PGBD2: variants seen among roughly 807,000 people sequenced by gnomAD.
PGBD2 encodes piggyBac transposable element derived 2.
PGBD2 carries 6 observed loss-of-function variants against 8.1 expected under a neutral mutation model. The observed-to-expected ratio is 0.74, with a 90% CI of 0.40 to 1.46. The LOEUF is 1.46. Ranked by LOEUF, PGBD2 falls within the 40% of genes most tolerant of loss-of-function variation. PGBD2 has a pLI of 0.02. For missense variants in PGBD2, 802 were observed against 739.0 expected (o/e 1.09, Z -0.99); for synonymous variants, 318 against 272.2 (o/e 1.17, Z -1.66).
chr1:248,915,878 G>A (rs935913611), intron 2 of PGBD2, among the ~76,000 whole-genome samples: 6 of 152,292 alleles, frequency 3.9e-5, no homozygotes, highest in Middle Eastern at 6.8e-3. Flanking sequence ...GGAAGGTATA[G>A]TAAGACAAAT....
Position 248,918,376 on chromosome 1 carries a change from T to C in PGBD2, c.*13T>C. The stretch of plus-strand genomic sequence containing the variant: ...CCACATCCGGTGACATCATGAGACA[T>C]GCTTCTTTGGTTTATAATGAGATGT... On this transcript the variant is annotated 3_prime_UTR_variant, in exon 3 of 3. Transcript: ENST00000329291. The C allele has an allele frequency of 1.3e-6, 2 of 1,525,844 alleles. No homozygotes were observed. Among genetic ancestry groups the C allele is most frequent in the Non-Finnish European group, 1.8e-6 (2 of 1,138,084 alleles). 94.5% of individuals were successfully genotyped at this position (1,525,844 alleles called of 1,614,324 possible).
At chr1:248,920,447 TCATC>T (rs1662261110), downstream of PGBD2, among the ~76,000 whole-genome samples, 1 of 152,230 alleles carries the variant, frequency 6.6e-6, no homozygotes. Context: ...GTTTCCAGCT[TCATC>T]CATGTCCCTG....
the PGBD2 span, among the ~76,000 whole-genome samples, chr1:248,889,103 T>C: frequency 2.6e-5 from 4 of 152,116 alleles, no homozygotes; most frequent in African/African-American, 4.8e-5. Flanking sequence ...ATGAAATACA[T>C]GGGCCGGTAA....
chr1:248,914,252 C>A (rs73136430), intron 2 of PGBD2, among the ~76,000 whole-genome samples: 1,666 of 152,290 alleles, frequency 0.011, 11 homozygotes, highest in African/African-American at 0.023. Flanking sequence ...TGGGGGTGAG[C>A]TGGAGCTTGG....
chr1:248,918,076 G>C lies in PGBD2; in HGVS notation c.1492G>C (p.Ala498Pro). The C allele has an allele frequency of 6.2e-7, 1 of 1,614,224 alleles. No homozygotes were observed. Among genetic ancestry groups the C allele is most frequent in the Non-Finnish European group, 8.5e-7 (1 of 1,180,040 alleles). Residue 498 changes from alanine (A) to proline (P), a missense_variant, in exon 3 of 3, where the codon GCA becomes CCA. Transcript: ENST00000329291. Reference sequence around the variant, plus strand: ...TGTCATTGATGCTGCCCTCAACAATGCATGGCAGCTGCATAGAATCTGCTG... The same window carrying C: ...TGTCATTGATGCTGCCCTCAACAATCCATGGCAGCTGCATAGAATCTGCTG... ...GYVIDAALNN[A>P]WQLHRICCQD... is the part of the protein sequence containing the mutation.
intron 1 of PGBD2, among the ~76,000 whole-genome samples, chr1:248,906,857 A>T (rs144997643): frequency 2.0e-3 from 301 of 151,944 alleles, no homozygotes; most frequent in African/African-American, 7.1e-3. Context: ...TTTGCTAGTG[A>T]GGTGAAGAGA....
chr1:248,895,096 C>T, the PGBD2 span, among the ~76,000 whole-genome samples: 1 of 152,188 alleles, frequency 6.6e-6, no homozygotes, highest in Admixed American at 6.5e-5. Flanking sequence ...TGAGCCATCA[C>T]ACCCAGCCTA....
chr1:248,881,500 C>T, the PGBD2 span, among the ~76,000 whole-genome samples: 2 of 152,134 alleles, frequency 1.3e-5, no homozygotes, highest in African/African-American at 4.8e-5. Context: ...TGGTATATTC[C>T]TGGCTTGCTT....
chr1:248,901,720 A>C (rs2103097151), upstream of PGBD2, among the ~76,000 whole-genome samples: 1 of 152,344 alleles, frequency 6.6e-6, no homozygotes, highest in African/African-American at 2.4e-5. Flanking sequence ...CCATTGCAAC[A>C]GAAGTGAAAA....
At chr1:248,881,857 T>C in the PGBD2 span, among the ~76,000 whole-genome samples, 1 of 152,190 alleles carries the variant, frequency 6.6e-6, no homozygotes, top group Non-Finnish European at 1.5e-5. Flanking sequence ...TGGACTTCAT[T>C]TTAATTTGAA....
chr1:248,911,372 G>A (rs928286336), intron 1 of PGBD2, among the ~76,000 whole-genome samples: 7 of 150,610 alleles, frequency 4.6e-5, no homozygotes, highest in African/African-American at 1.2e-4. Context: ...ATCTTGCACC[G>A]CCCTTAATCC....
chr1:248,882,678 A>G, the PGBD2 span, among the ~76,000 whole-genome samples: 1 of 152,170 alleles, frequency 6.6e-6, no homozygotes, highest in Admixed American at 6.5e-5. Context: ...CAAGGGTTGC[A>G]TTCCATTCCC....
upstream of PGBD2, among the ~76,000 whole-genome samples, chr1:248,902,972 T>A (rs1052448147): frequency 6.6e-6 from 1 of 152,090 alleles, no homozygotes; most frequent in African/African-American, 2.4e-5. Context: ...TTTACCTATA[T>A]AACAAACCTG....
At chr1:248,915,768 C>T (rs1389547248) in intron 2 of PGBD2, among the ~76,000 whole-genome samples, 1 of 152,172 alleles carries the variant, frequency 6.6e-6, no homozygotes, top group African/African-American at 2.4e-5. Context: ...ATCTGAAAAT[C>T]CAGATCTGCT....
At chr1:248,912,606 G>C (rs1558286795) in intron 1 of PGBD2, 3 of 152,036 alleles carry the variant, frequency 2.0e-5, no homozygotes, top group African/African-American at 7.2e-5. Flanking sequence ...AAAATACAGA[G>C]AAAAATATAT....
intron 1 of PGBD2, among the ~76,000 whole-genome samples, chr1:248,911,969 G>C (rs1279240162): frequency 6.6e-6 from 1 of 152,044 alleles, no homozygotes. Context: ...GTGGCCCAGA[G>C]TGAGTTGTCC....
At chr1:248,887,233 C>G in the PGBD2 span, among the ~76,000 whole-genome samples, 1 of 152,128 alleles carries the variant, frequency 6.6e-6, no homozygotes, top group Non-Finnish European at 1.5e-5. Context: ...AAATACAGGC[C>G]TTACTCAAAT....
upstream of PGBD2, among the ~76,000 whole-genome samples, chr1:248,901,976 A>C (rs1048502659): frequency 6.6e-6 from 1 of 152,168 alleles, no homozygotes; most frequent in African/African-American, 2.4e-5. Context: ...GCAAATCAAA[A>C]CTATAATGAA....
chr1:248,874,901 TAGAGATAG>T, the PGBD2 span, among the ~76,000 whole-genome samples: 1 of 132,730 alleles, frequency 7.5e-6, no homozygotes. Flanking sequence ...GATAGGTAGA[TAGAGATAG>T]ATAGATAGAT....
Sources: gnomAD v4.1 joint callset for allele counts (sites outside exome capture counted in the v4.1 genomes callset) on GRCh38, gnomAD v4.1.1 for gene constraint, MANE v1.5 for transcripts, NCBI Gene and HGNC (gene_info 2026-07-23, HGNC 2026-07-21) for gene names.